Variants in BDH2 observed in about 807,000 individuals in gnomAD.
The protein encoded by BDH2 is 3-hydroxybutyrate dehydrogenase 2.
BDH2 carries 24 observed loss-of-function variants against 33.2 expected under a neutral mutation model. The observed-to-expected ratio is 0.72, with a 90% CI of 0.52 to 1.02. The LOEUF is 1.02. Ranked by LOEUF, BDH2 falls within the 50% of genes least tolerant of loss-of-function variation. BDH2 has a pLI of 0.00. For missense variants in BDH2, 249 were observed against 301.6 expected (o/e 0.83, Z 1.29); for synonymous variants, 81 against 101.6 (o/e 0.80, Z 1.22).
At chr4:103,086,845 A>C (rs921438787) in intron 5 of BDH2, among the ~76,000 whole-genome samples, 2 of 152,196 alleles carry the variant, frequency 1.3e-5, no homozygotes, top group African/African-American at 2.4e-5. Flanking sequence ...AATGTGAATA[A>C]ATGTTGTTAT....
rs572912670 is a variant in BDH2, at chr4:103,095,286, T to C, written c.73-5A>G. 1.1e-5 allele frequency: 18 copies of C among 1,610,170 alleles called. No homozygotes were observed. The highest frequency in any genetic ancestry group is 1.7e-5 in the Admixed American group (1 of 60,002). ...GGCACCTTCTCTTGCAAAAGCCTAG[T>C]AGACACAAAGTACAAATAAATCCTT... On this transcript the variant is annotated splice_polypyrimidine_tract_variant and splice_region_variant and intron_variant, in intron 2 of 9. Coordinates refer to ENST00000296424, the MANE Select transcript of BDH2 (RefSeq NM_020139.4).
intron 3 of BDH2, among the ~76,000 whole-genome samples, chr4:103,094,748 A>C (rs1055367984): frequency 1.3e-5 from 2 of 152,038 alleles, no homozygotes; most frequent in African/African-American, 4.8e-5. Context: ...ATTGGATAAA[A>C]GAAAATATAT....
chr4:103,084,362 C>T (rs780093788), intron 7 of BDH2, among the ~76,000 whole-genome samples: 1 of 152,066 alleles, frequency 6.6e-6, no homozygotes, highest in Non-Finnish European at 1.5e-5. Context: ...CTACACAAGT[C>T]TGGCTGGAGA....
rs1747558279 is a variant in BDH2 at position 103,082,184 on chromosome 4, A to G, written c.592-11T>C. On this transcript the variant is annotated splice_polypyrimidine_tract_variant and intron_variant, in intron 8 of 9. Transcript: ENST00000296424. ...GAAATCATTCCGTGCCTGTGACCAG[A>G]GACCATACCAGACATTAGTGATGGA... 6.2e-7 allele frequency: 1 copy of G among 1,607,700 alleles called. No homozygotes were observed. The highest frequency in any genetic ancestry group is 8.5e-7 in the Non-Finnish European group (1 of 1,174,248).
At chr4:103,096,152 C>T (rs770933832) in intron 2 of BDH2, 31 bp downstream of exon 2, 5 of 1,537,898 alleles carry the variant, frequency 3.3e-6, no homozygotes, top group Non-Finnish European at 3.6e-6. Flanking sequence ...AGTTAGTAGG[C>T]AAACAACAAA....
In BDH2 at chr4:103,077,931, A is replaced by G. The variant is rs1318399221; in HGVS notation, c.*1771T>C. On this transcript the variant is annotated 3_prime_UTR_variant, in exon 10 of 10. Transcript: ENST00000296424. ...TCCAAAACCTCATAGATAATCTTAT[A>G]ATCAATGGACTCTTTCTGAATGCTA... is the stretch of plus-strand genomic sequence containing the variant. 6.6e-6 allele frequency among the ~76,000 whole-genome samples: 1 copy of G among 152,212 alleles called. No individual in the cohort carries two copies. Among genetic ancestry groups the G allele is most frequent in the Non-Finnish European group, 1.5e-5 (1 of 68,034 alleles).
At chr4:103,096,131 AAT>A in intron 2 of BDH2, 50 bp downstream of exon 2, 1 of 1,355,512 alleles carries the variant, frequency 7.4e-7, no homozygotes, top group Admixed American at 1.8e-5. Flanking sequence ...CACATAATTC[AAT>A]ATGTCAAGAG....
chr4:103,090,834 C>T (rs1366095913), intron 5 of BDH2, among the ~76,000 whole-genome samples: 1 of 152,154 alleles, frequency 6.6e-6, no homozygotes, highest in East Asian at 1.9e-4. Context: ...ATATTTAAAA[C>T]CACGCCACAT....
In BDH2 at chr4:103,092,733, G is replaced by A. The variant is rs766198036; in HGVS notation, c.152-37C>T. The A allele has an allele frequency of 9.0e-6, 13 of 1,450,296 alleles. No individual in the cohort carries two copies. The Middle Eastern group carries it at 8.7e-4, about 97-fold the overall frequency. The allele number at this position is 1,450,296 out of a possible 1,614,324, so 89.8% of individuals were successfully genotyped here. A position where few individuals can be genotyped will look rare whatever the true frequency, so the allele number is the denominator to read the frequency against. On this transcript the variant is annotated intron_variant, in intron 3 of 9. Transcript: ENST00000296424. The stretch of plus-strand genomic sequence containing the variant: ...AACAAGAGGCACTATTCCTAAAAAT[G>A]TTTAGCCTTGAAGGTTTAGCTGTTT...
intron 7 of BDH2, among the ~76,000 whole-genome samples, chr4:103,083,591 A>G (rs1747624445): frequency 6.6e-6 from 1 of 152,180 alleles, no homozygotes; most frequent in Non-Finnish European, 1.5e-5. Context: ...TTAAAATTCC[A>G]CTTAGTTTAT....
chr4:103,097,213 A>G (rs2125813624), intron 1 of BDH2, among the ~76,000 whole-genome samples: 1 of 152,260 alleles, frequency 6.6e-6, no homozygotes, highest in Admixed American at 6.5e-5. Flanking sequence ...CCAGAACTAA[A>G]CTTAGACTTC....
intron 1 of BDH2, chr4:103,097,816 TA>T (rs1437436742): frequency 6.6e-6 from 1 of 152,224 alleles, no homozygotes; most frequent in East Asian, 1.9e-4. Flanking sequence ...CAACTTACAG[TA>T]CATGCAAACT....
chr4:103,087,979 G>A (rs1194137826), intron 5 of BDH2, among the ~76,000 whole-genome samples: 1 of 152,166 alleles, frequency 6.6e-6, no homozygotes, highest in Non-Finnish European at 1.5e-5. Context: ...TTCTGACTTT[G>A]TTCTGAGATT....
At position 103,095,265 on chromosome 4, in the gene BDH2, C is replaced by T. The variant is rs1019696209; in HGVS notation, c.89G>A (p.Gly30Asp). ...QAAALAFARE[G>D]AKVIATDINE... ...AATGTCTGTGGCTATGACTTTGGCA[C>T]CTTCTCTTGCAAAAGCCTAGTAGAC... Residue 30 changes from glycine (G) to aspartate (D), a missense_variant, in exon 3 of 10, where the codon GGT becomes GAT. Coordinates refer to ENST00000296424, the MANE Select transcript of BDH2 (RefSeq NM_020139.4). 5 of 1,613,480 alleles carry T rather than the reference C, an allele frequency of 3.1e-6. No individual in the cohort carries two copies. In the African/African-American group the frequency reaches 5.3e-5, roughly 17 times the overall value.
Position 103,086,116 on chromosome 4 carries a change from T to C in BDH2, c.418+364A>G, listed in dbSNP as rs1174798281. On this transcript the variant is annotated intron_variant, in intron 6 of 9. Coordinates refer to ENST00000296424, the MANE Select transcript of BDH2 (RefSeq NM_020139.4). ...CTGGAGAAGATGATGTTTGCTGCCT[T>C]GCTCCTAGTTTTGGACTGTGAATTC... The C allele has an allele frequency of 3.6e-6, 4 of 1,099,384 alleles. No homozygotes were observed. The Admixed American group carries it at 1.4e-4, about 40-fold the overall frequency. The allele number at this position is 1,099,384 out of a possible 1,614,324, so 68.1% of individuals were successfully genotyped here.
chr4:103,087,537 T>TCC (rs1747853121), intron 5 of BDH2, among the ~76,000 whole-genome samples: 2 of 152,142 alleles, frequency 1.3e-5, no homozygotes, highest in African/African-American at 4.8e-5. Flanking sequence ...CCTCACCAAT[T>TCC]TAGGGCAGTG....
At chr4:103,091,881 C>A in intron 4 of BDH2, 1 of 415,920 alleles carries the variant, frequency 2.4e-6, no homozygotes. Flanking sequence ...AAACAAGTGT[C>A]TGAACATCTC....
intron 5 of BDH2, 66 bp downstream of exon 5, chr4:103,091,111 C>T: frequency 1.0e-6 from 1 of 959,222 alleles, no homozygotes; most frequent in South Asian, 1.4e-5. Context: ...GTGGGAATCC[C>T]TTCTGTGTGC....
At chr4:103,082,987 T>G (rs972001811) in intron 7 of BDH2, 58 bp from the exon 8 acceptor site, 2 of 1,420,034 alleles carry the variant, frequency 1.4e-6, no homozygotes, top group Non-Finnish European at 2.0e-6. Flanking sequence ...AAGAAATCGA[T>G]AACTAAACTT....
Sources: gnomAD v4.1 joint callset for allele counts (sites outside exome capture counted in the v4.1 genomes callset) on GRCh38, gnomAD v4.1.1 for gene constraint, MANE v1.5 for transcripts, NCBI Gene and HGNC (gene_info 2026-07-23, HGNC 2026-07-21) for gene names.